The following MCTP1 variants were observed in gnomAD, a reference collection of about 807,000 sequenced individuals.
MCTP1 encodes the protein multiple C2 and transmembrane domain-containing protein 1.
MCTP1 carries 69 observed loss-of-function variants against 120.6 expected under a neutral mutation model. The observed-to-expected ratio is 0.57, with a 90% CI of 0.47 to 0.70. The LOEUF is 0.70. Among genes scored for constraint, MCTP1 ranks in the 30% least tolerant of loss-of-function variants. MCTP1 has a pLI of 0.00. For synonymous variants in MCTP1, 529 were observed against 493.1 expected, an observed-to-expected ratio of 1.07 and a Z score of -0.96; for missense variants, 1,203 against 1,248.8, an observed-to-expected ratio of 0.96 and a Z score of 0.55.
intron 1 of MCTP1, among the ~76,000 whole-genome samples, chr5:95,114,308 ATTCG>A (rs1400483191): frequency 1.3e-5 from 2 of 152,224 alleles, no homozygotes; most frequent in African/African-American, 4.8e-5. Context: ...CACATTAGGT[ATTCG>A]TTCAGCCACA....
chr5:94,997,259 A>T (rs551253224), intron 2 of MCTP1, among the ~76,000 whole-genome samples: 1 of 152,292 alleles, frequency 6.6e-6, no homozygotes, highest in Admixed American at 6.5e-5. Flanking sequence ...TTCCCCTGAC[A>T]AGTGTAGGAA....
intron 1 of MCTP1, among the ~76,000 whole-genome samples, chr5:95,147,288 G>T (rs1255820135): frequency 2.0e-5 from 3 of 152,000 alleles, no homozygotes; most frequent in African/African-American, 7.2e-5. Context: ...GGGTTTCACT[G>T]TGCTAGCCAG....
intron 1 of MCTP1, among the ~76,000 whole-genome samples, chr5:95,114,276 G>A (rs1341863052): frequency 6.6e-6 from 1 of 152,224 alleles, no homozygotes; most frequent in Non-Finnish European, 1.5e-5. Context: ...AGAGCACTTT[G>A]TCTATAGGGA....
intron 1 of MCTP1, among the ~76,000 whole-genome samples, chr5:95,096,444 C>T (rs989126446): frequency 6.6e-6 from 1 of 151,934 alleles, no homozygotes; most frequent in African/African-American, 2.4e-5. Context: ...CTTAGAGTCT[C>T]TAAGGAAGAG....
intron 1 of MCTP1, among the ~76,000 whole-genome samples, chr5:95,035,729 T>A (rs1841178608): frequency 1.3e-5 from 2 of 152,082 alleles, no homozygotes; most frequent in Admixed American, 6.6e-5. Context: ...AATTAAAAAA[T>A]ATATATATAC....
At chr5:94,943,082 TA>T (rs1818112544) in intron 3 of MCTP1, among the ~76,000 whole-genome samples, 1 of 152,134 alleles carries the variant, frequency 6.6e-6, no homozygotes, top group South Asian at 2.1e-4. Context: ...CTATGGTAAG[TA>T]AGACAATGTC....
chr5:94,773,043 G>A (rs930227077), intron 19 of MCTP1, among the ~76,000 whole-genome samples: 29 of 152,080 alleles, frequency 1.9e-4, no homozygotes, highest in African/African-American at 5.3e-4. Flanking sequence ...GTATTTCTGC[G>A]GACTCAAAGT....
intron 17 of MCTP1, among the ~76,000 whole-genome samples, chr5:94,813,022 C>T (rs1388128862): frequency 6.6e-6 from 1 of 151,500 alleles, no homozygotes; most frequent in Non-Finnish European, 1.5e-5. Context: ...CAAAAGACAC[C>T]ATTAAGAAAA....
chr5:94,722,956 A>G lies in MCTP1; in HGVS notation c.2611-8070T>C, dbSNP rs538430812. ...GCAAAATAGACTTCCTCTCAGATCT[A>G]TAATTCCAACCTAAGGAAAATACAT... is the stretch of plus-strand genomic sequence containing the variant. On this transcript the variant is annotated intron_variant, in intron 19 of 22. Transcript: ENST00000515393. Among the ~76,000 whole-genome samples, 7 of 152,334 alleles carry G rather than the reference A, an allele frequency of 4.6e-5. No individual in the cohort carries two copies. In the South Asian group the frequency reaches 8.3e-4, roughly 18 times the overall value.
intron 5 of MCTP1, among the ~76,000 whole-genome samples, chr5:94,936,001 A>G (rs1816099779): frequency 6.6e-6 from 1 of 152,078 alleles, no homozygotes; most frequent in Admixed American, 6.6e-5. Context: ...CTTCAAATGT[A>G]GCCCAGAGAA....
intron 1 of MCTP1, among the ~76,000 whole-genome samples, chr5:95,129,631 C>G (rs889163667): frequency 1.1e-4 from 16 of 151,770 alleles, no homozygotes; most frequent in Non-Finnish European, 1.6e-4. Context: ...CTTGAGGGCT[C>G]AGAGAGAACA....
chr5:95,069,192 T>C (rs947675836), intron 1 of MCTP1, among the ~76,000 whole-genome samples: 1 of 152,168 alleles, frequency 6.6e-6, no homozygotes, highest in African/African-American at 2.4e-5. Flanking sequence ...TGAGTTACAA[T>C]GCAGCTGCAA....
At position 95,178,721 on chromosome 5, in the gene MCTP1, T is replaced by C. The variant is rs142731137; in HGVS notation, c.720+105135A>G. ...TTCCCTCTGACATAGCCTATCCAAATGAGAAGGAACCAGAAAAATAATTCT... is the reference window on the plus strand; with the variant it reads ...TTCCCTCTGACATAGCCTATCCAAACGAGAAGGAACCAGAAAAATAATTCT... On this transcript the variant is annotated intron_variant, in intron 1 of 22. Transcript: ENST00000515393. Among the ~76,000 whole-genome samples the C allele has an allele frequency of 1.4e-3, 210 of 152,218 alleles. 1 individual carries two copies. Among genetic ancestry groups the C allele is most frequent in the African/African-American group, 4.7e-3 (194 of 41,538 alleles).
chr5:94,708,426 C>T (rs1580172553), intron 22 of MCTP1, 86 bp downstream of exon 22: 1 of 826,792 alleles, frequency 1.2e-6, no homozygotes, highest in Admixed American at 2.4e-5. Flanking sequence ...CTTCTAAAGC[C>T]TTTGAAATTA....
intron 17 of MCTP1, among the ~76,000 whole-genome samples, chr5:94,811,165 T>C (rs576280327): frequency 2.0e-5 from 3 of 152,330 alleles, no homozygotes; most frequent in Admixed American, 2.0e-4. Flanking sequence ...TAGGCTGATT[T>C]TAACAGCCTT....
At position 95,284,432 on chromosome 5, in the gene MCTP1, G is replaced by C. The variant is rs1367363412; in HGVS notation, c.144C>G (p.Arg48=). 1 of 1,549,310 alleles carries C rather than the reference G, an allele frequency of 6.5e-7. No homozygotes were observed. The highest frequency in any genetic ancestry group is 8.7e-7 in the Non-Finnish European group (1 of 1,156,064). ...AGGGCGACGGGGTGTCCGCAGTGCGGCGCTCTGGACCCCCAGCGCGCCCGC... is the reference window on the plus strand; with the variant it reads ...AGGGCGACGGGGTGTCCGCAGTGCGCCGCTCTGGACCCCCAGCGCGCCCGC... ...GGGGRAGGPE[R]RTADTPSPSP... The change falls in exon 1 of 23, where the codon CGC becomes CGG. Residue 48 remains arginine (R), a synonymous_variant. Transcript: ENST00000515393. This position sits in a 1 kb window ranked among gnomAD's most constrained non-coding sequence, Gnocchi z 5.2.
chr5:94,821,732 C>A (rs1785699499), intron 17 of MCTP1, among the ~76,000 whole-genome samples: 1 of 152,140 alleles, frequency 6.6e-6, no homozygotes, highest in Non-Finnish European at 1.5e-5. Flanking sequence ...AACCTATACA[C>A]ACTCAAGTCC....
chr5:94,962,375 C>T (rs1005813302), intron 2 of MCTP1, among the ~76,000 whole-genome samples: 3 of 151,428 alleles, frequency 2.0e-5, no homozygotes, highest in African/African-American at 7.3e-5. Flanking sequence ...TTTGCTATCG[C>T]AGAAATGTGG....
intron 12 of MCTP1, among the ~76,000 whole-genome samples, chr5:94,880,901 A>G (rs529503968): frequency 1.3e-5 from 2 of 152,262 alleles, no homozygotes; most frequent in African/African-American, 4.8e-5. Flanking sequence ...ATGAAATGAT[A>G]GGCATGAAGG....
Sources: gnomAD v4.1 joint callset for allele counts (sites outside exome capture counted in the v4.1 genomes callset) on GRCh38, gnomAD v4.1.1 for gene constraint, Gnocchi (gnomAD v3.1) non-coding constraint, MANE v1.5 for transcripts, NCBI Gene and HGNC (gene_info 2026-07-23, HGNC 2026-07-21) for gene names.